PTPRT: variants seen among roughly 807,000 people sequenced by gnomAD.
PTPRT encodes protein tyrosine phosphatase receptor type T.
In PTPRT, 56 loss-of-function variants were observed where a neutral mutation model predicts 176.8. The ratio of observed to expected loss-of-function variants is 0.32; its 90% confidence interval spans 0.26 to 0.40. PTPRT has a LOEUF of 0.40. Among genes scored for constraint, PTPRT ranks in the 10% least tolerant of loss-of-function variants. The pLI is 1.00. For synonymous variants in PTPRT, 783 were observed against 739.0 expected, an observed-to-expected ratio of 1.06 and a Z score of -0.96; for missense variants, 1,540 against 1,908.2, an observed-to-expected ratio of 0.81 and a Z score of 3.60.
chr20:42,788,548 G>A (rs557010062), intron 3 of PTPRT, among the ~76,000 whole-genome samples: 5 of 152,304 alleles, frequency 3.3e-5, no homozygotes, highest in African/African-American at 1.2e-4. Context: ...AGGCTACTTA[G>A]GTCCATCTCC....
Position 43,189,347 on chromosome 20 carries a change from A to G in PTPRT, c.88+299T>C, listed in dbSNP as rs965460710. 6.6e-6 allele frequency among the ~76,000 whole-genome samples: 1 copy of G among 152,126 alleles called. No homozygotes were observed. The highest frequency in any genetic ancestry group is 1.5e-5 in the Non-Finnish European group (1 of 68,008). The stretch of plus-strand genomic sequence containing the variant: ...AGATTCCGACAAGTGGGAGGCAGCA[A>G]GTGGAAATATTCGCAACAACCGCGG... On this transcript the variant is annotated intron_variant, in intron 1 of 30. Coordinates refer to ENST00000373187, the MANE Select transcript of PTPRT (RefSeq NM_007050.6). The surrounding 1 kb of genome is among the most constrained non-coding windows in gnomAD (Gnocchi z 5.0).
chr20:42,533,163 G>A (rs923578572), intron 7 of PTPRT, among the ~76,000 whole-genome samples: 3 of 152,144 alleles, frequency 2.0e-5, no homozygotes, highest in Non-Finnish European at 4.4e-5. Flanking sequence ...AGTAAACAGC[G>A]GGCAGCATTG....
intron 1 of PTPRT, chr20:42,968,937 T>C (rs1982461396): frequency 6.6e-6 from 1 of 152,208 alleles, no homozygotes; most frequent in African/African-American, 2.4e-5. Flanking sequence ...ATGAGTGGTG[T>C]TGTGAACATT....
chr20:43,083,282 G>T (rs1439128661), intron 1 of PTPRT, among the ~76,000 whole-genome samples: 1 of 118,978 alleles, frequency 8.4e-6, no homozygotes, highest in Non-Finnish European at 1.7e-5. Context: ...CTTTTTTGAG[G>T]TATAATTTAT....
intron 23 of PTPRT, among the ~76,000 whole-genome samples, chr20:42,108,206 T>C (rs1387661079): frequency 3.9e-5 from 6 of 151,942 alleles, no homozygotes; most frequent in African/African-American, 1.5e-4. Context: ...TCTGATGCTT[T>C]TAACATACCT....
chr20:42,743,541 C>G (rs1051897123), intron 6 of PTPRT, among the ~76,000 whole-genome samples: 1 of 152,156 alleles, frequency 6.6e-6, no homozygotes, highest in African/African-American at 2.4e-5. Flanking sequence ...CGGGAATAAG[C>G]GTGAAGCCTG....
chr20:42,613,933 A>G (rs986926196), intron 7 of PTPRT, among the ~76,000 whole-genome samples: 2 of 141,942 alleles, frequency 1.4e-5, no homozygotes, highest in African/African-American at 5.3e-5. Context: ...AAAAAAATAT[A>G]CATCCCTTGT....
At chr20:42,763,448 T>C (rs775386392) in intron 5 of PTPRT, among the ~76,000 whole-genome samples, 65 of 98,350 alleles carry the variant, frequency 6.6e-4, no homozygotes, top group Non-Finnish European at 1.1e-3. Context: ...TTTGAACTTC[T>C]TGGCATCAAA....
chr20:42,757,545 T>C (rs2076853153), intron 5 of PTPRT, among the ~76,000 whole-genome samples: 1 of 152,222 alleles, frequency 6.6e-6, no homozygotes, highest in Non-Finnish European at 1.5e-5. Context: ...AAAGCCACGT[T>C]CAGCTCACAG....
intron 1 of PTPRT, among the ~76,000 whole-genome samples, chr20:43,119,634 A>G (rs1361303067): frequency 6.6e-6 from 1 of 152,206 alleles, no homozygotes; most frequent in Non-Finnish European, 1.5e-5. Flanking sequence ...CTTGGGTTGC[A>G]AGCCCTGTTG....
intron 7 of PTPRT, among the ~76,000 whole-genome samples, chr20:42,614,973 A>G (rs1190973373): frequency 1.4e-5 from 2 of 142,862 alleles, no homozygotes; most frequent in African/African-American, 5.3e-5. Flanking sequence ...TTTAGGGTAC[A>G]TGTGCACATT....
At chr20:42,888,416 G>C (rs1425464301) in intron 1 of PTPRT, among the ~76,000 whole-genome samples, 1 of 152,124 alleles carries the variant, frequency 6.6e-6, no homozygotes, top group Non-Finnish European at 1.5e-5. Context: ...ATTCGACACC[G>C]ATTACATATA....
In PTPRT at chr20:42,809,712, G is replaced by T. The variant is rs564995156; in HGVS notation, c.215-18246C>A. Among the ~76,000 whole-genome samples, 4 of 152,188 alleles carry T rather than the reference G, an allele frequency of 2.6e-5. No homozygotes were observed. The East Asian group carries it at 7.7e-4, about 29-fold the overall frequency. ...TCGTCTCTGCCTCTGTTTTCACATGGTCTTCTCCTCATGCCTCGCATTTCA... is the reference window on the plus strand; with the variant it reads ...TCGTCTCTGCCTCTGTTTTCACATGTTCTTCTCCTCATGCCTCGCATTTCA... On this transcript the variant is annotated intron_variant, in intron 2 of 30. Transcript: ENST00000373187.
chr20:42,754,701 T>G (rs1337183956), intron 6 of PTPRT, among the ~76,000 whole-genome samples: 2 of 152,146 alleles, frequency 1.3e-5, no homozygotes, highest in African/African-American at 2.4e-5. Context: ...ATTTTTAAAG[T>G]TTTTTTTCAT....
At chr20:43,081,219 T>C (rs548223042) in intron 1 of PTPRT, among the ~76,000 whole-genome samples, 3 of 152,314 alleles carry the variant, frequency 2.0e-5, no homozygotes, top group Admixed American at 2.0e-4. Context: ...GCAGGGATTA[T>C]CTACTTATAT....
intron 1 of PTPRT, among the ~76,000 whole-genome samples, chr20:42,906,028 G>A (rs2079472748): frequency 6.6e-6 from 1 of 152,100 alleles, no homozygotes; most frequent in Non-Finnish European, 1.5e-5. Context: ...TATCGAACCT[G>A]CACGTTGTGC....
intron 7 of PTPRT, among the ~76,000 whole-genome samples, chr20:42,664,338 G>T (rs1303272416): frequency 1.3e-5 from 2 of 151,860 alleles, no homozygotes; most frequent in Admixed American, 6.6e-5. Flanking sequence ...CCTGCTTTTT[G>T]ATTTTAGTTA....
intron 1 of PTPRT, among the ~76,000 whole-genome samples, chr20:42,923,380 G>A (rs206683): frequency 0.078 from 11,917 of 152,196 alleles, 1,342 homozygotes; most frequent in African/African-American, 0.25. Flanking sequence ...CTCATGGTCC[G>A]TGAATTTGCA....
intron 2 of PTPRT, among the ~76,000 whole-genome samples, chr20:42,799,970 C>A (rs1001180538): frequency 7.2e-5 from 11 of 152,302 alleles, no homozygotes; most frequent in Non-Finnish European, 1.3e-4. Flanking sequence ...AGATCTTTCT[C>A]CTTGGGTCTT....
Sources: gnomAD v4.1 joint callset for allele counts (sites outside exome capture counted in the v4.1 genomes callset) on GRCh38, gnomAD v4.1.1 for gene constraint, Gnocchi (gnomAD v3.1) non-coding constraint, MANE v1.5 for transcripts, NCBI Gene and HGNC (gene_info 2026-07-23, HGNC 2026-07-21) for gene names.